The following EOMES variants were observed in gnomAD, a reference collection of about 807,000 sequenced individuals.
The protein encoded by EOMES is eomesodermin homolog.
Under a neutral mutation model 61.0 loss-of-function variants are expected in EOMES, and 18 were observed. The observed-to-expected ratio is 0.30, with a 90% CI of 0.20 to 0.44. The LOEUF (loss-of-function observed/expected upper bound fraction) is 0.44, where lower values mean the gene tolerates loss of function less well. Among genes scored for constraint, EOMES ranks in the 20% least tolerant of loss-of-function variants. The pLI is 1.00. For synonymous variants in EOMES, 430 were observed against 394.0 expected (o/e 1.09, Z -1.08); for missense variants, 885 against 939.2 (o/e 0.94, Z 0.75).
intron 5 of EOMES, among the ~76,000 whole-genome samples, chr3:27,718,294 C>T (rs527480179): frequency 6.6e-6 from 1 of 151,650 alleles, no homozygotes; most frequent in Non-Finnish European, 1.5e-5. Context: ...AAAAATGGAT[C>T]AAATGAAAAG....
Position 27,717,880 on chromosome 3 carries a change from G to T in EOMES, c.1380-72C>A. 1 of 1,165,806 alleles carries T rather than the reference G, an allele frequency of 8.6e-7. No homozygotes were observed. Among genetic ancestry groups the T allele is most frequent in the Non-Finnish European group, 1.2e-6 (1 of 853,992 alleles). The allele number at this position is 1,165,806 out of a possible 1,614,324, so 72.2% of individuals were successfully genotyped here. Reference sequence around the variant, plus strand: ...TTGTCCCCAAACAAACCACCTCCCAGAAATGAAAAAGGCTTGTGTTGGTTA... The same window carrying T: ...TTGTCCCCAAACAAACCACCTCCCATAAATGAAAAAGGCTTGTGTTGGTTA... On this transcript the variant is annotated intron_variant, in intron 5 of 5. Transcript: ENST00000449599. The surrounding 1 kb of genome is among the most constrained non-coding windows in gnomAD (Gnocchi z 4.5).
At chr3:27,720,121 C>G in intron 2 of EOMES, 50 bp downstream of exon 2, 1 of 1,504,316 alleles carries the variant, frequency 6.6e-7, no homozygotes, top group African/African-American at 1.4e-5. Context: ...TCGAGGGTTA[C>G]GATTTCTTCC....
chr3:27,722,332 T>G (rs770972273), upstream of EOMES: 6 of 1,480,314 alleles, frequency 4.1e-6, no homozygotes, highest in East Asian at 5.4e-5. Context: ...CTGCTTCCTC[T>G]CCTCCGGTGG....
rs866157455 is a variant in EOMES, at chr3:27,721,822, G to T, written c.473C>A (p.Ala158Glu). The T allele has an allele frequency of 1.3e-6, 2 of 1,516,080 alleles. No individual in the cohort carries two copies. Among genetic ancestry groups the T allele is most frequent in the Non-Finnish European group, 1.8e-6 (2 of 1,140,724 alleles). The allele number at this position is 1,516,080 out of a possible 1,614,324, so 93.9% of individuals were successfully genotyped here. A position where few individuals can be genotyped will look rare whatever the true frequency, so the allele number is the denominator to read the frequency against. Residue 158 changes from alanine (A) to glutamate (E), a missense_variant, in exon 1 of 6, where the codon GCG becomes GAG. Ala to Glu is a moderately radical substitution (Grantham distance 107). Coordinates refer to ENST00000449599, the MANE Select transcript of EOMES (RefSeq NM_001278182.2). The surrounding 1 kb of genome is among the most constrained non-coding windows in gnomAD (Gnocchi z 7.4). Reference protein sequence around the residue: ...SPGPQGSELAAPCSLFPYQAA... With the variant: ...SPGPQGSELAEPCSLFPYQAA... ...CTGGTACGGGAAGAGTGAGCAGGGC[G>T]CAGCCAGCTCCGACCCCTGAGGACC...
Position 27,717,551 on chromosome 3 carries a change from C to T in EOMES, c.1637G>A (p.Gly546Glu), listed in dbSNP as rs1244747971. The stretch of plus-strand genomic sequence containing the variant: ...GGAACTGATGTCTAGTTTGTTGGTC[C>T]CAGGTTGCTGGACAGGCGTGACAAG... The part of the protein sequence containing the change: ...RWLVTPVQQP[G>E]TNKLDISSYE... The change falls in exon 6 of 6, where the codon GGG (glycine) becomes GAG (glutamate). Residue 546 changes from glycine (G) to glutamate (E), a missense_variant. Coordinates refer to ENST00000449599, the MANE Select transcript of EOMES (RefSeq NM_001278182.2). This position sits in a 1 kb window ranked among gnomAD's most constrained non-coding sequence, Gnocchi z 4.5. 1 of 1,614,018 alleles carries T rather than the reference C, an allele frequency of 6.2e-7. No individual in the cohort carries two copies. Among genetic ancestry groups the T allele is most frequent in the African/African-American group, 1.3e-5 (1 of 74,902 alleles).
rs1488273280 is a variant in EOMES, at chr3:27,721,689, T to G, written c.606A>C (p.Pro202=). The stretch of plus-strand genomic sequence containing the variant: ...CTGGGCCGAACTGCGCCCTCCCGGG[T>G]GGGCACACAGCCGCGGGGAAGCCGC... ...PPGGFPAAVC[P]PGRAQFGPGA... The change falls in exon 1 of 6, where the codon CCA becomes CCC. Residue 202 remains proline (P), a synonymous_variant. Transcript: ENST00000449599. This position sits in a 1 kb window ranked among gnomAD's most constrained non-coding sequence, Gnocchi z 7.4. 2 of 1,518,728 alleles carry G rather than the reference T, an allele frequency of 1.3e-6. No individual in the cohort carries two copies. Among genetic ancestry groups the G allele is most frequent in the African/African-American group, 2.8e-5 (2 of 70,226 alleles). The allele number at this position is 1,518,728 out of a possible 1,614,324, so 94.1% of individuals were successfully genotyped here. A position where few individuals can be genotyped will look rare whatever the true frequency, so the allele number is the denominator to read the frequency against.
At chr3:27,719,321 C>A in intron 3 of EOMES, 39 bp downstream of exon 3, 2 of 1,607,536 alleles carry the variant, frequency 1.2e-6, no homozygotes, top group South Asian at 2.2e-5. Context: ...GCCTTATAGT[C>A]AAAGCCAGAA....
rs1034578754 is a variant in EOMES, at chr3:27,719,382, C to A, written c.1136G>T (p.Gly379Val). The change falls in exon 3 of 6, where the codon GGC becomes GTC. Residue 379 changes from glycine to valine, a missense_variant. Gly to Val is a moderately radical substitution (Grantham distance 109). This residue lies in a region of EOMES where 177 missense variants were observed against 273.3 expected (regional missense o/e 0.65). Coordinates refer to ENST00000449599, the MANE Select transcript of EOMES (RefSeq NM_001278182.2). ...FGKLKLTNNK[G>V]ANNNNTQMIV... ...TACCTGGGTGTTGTTGTTATTTGCG[C>A]CTTTGTTATTGGTGAGTTTTAATTT... 1 of 1,613,924 alleles carries A rather than the reference C, an allele frequency of 6.2e-7. No individual in the cohort carries two copies. The highest frequency in any genetic ancestry group is 8.5e-7 in the Non-Finnish European group (1 of 1,179,972).
Position 27,717,846 on chromosome 3 carries a change from ACCCTAATGTTGTCCCC to A in EOMES, c.1380-54_1380-39del. 8.1e-6 allele frequency: 10 copies of A among 1,229,830 alleles called. No individual in the cohort carries two copies. Among genetic ancestry groups the A allele is most frequent in the Non-Finnish European group, 9.7e-6 (9 of 928,850 alleles). 76.2% of individuals were successfully genotyped at this position (1,229,830 alleles called of 1,614,324 possible). A position where few individuals can be genotyped will look rare whatever the true frequency, so the allele number is the denominator to read the frequency against. ...GAGAAACACTTAAAAAAAAAAAAAAACCCTAATGTTGTCCCCAAACAAACCACCTCCCAGAAATGAA... is the reference window on the plus strand; with the variant it reads ...GAGAAACACTTAAAAAAAAAAAAAAAAAACAAACCACCTCCCAGAAATGAA... On this transcript the variant is annotated intron_variant, in intron 5 of 5. Transcript: ENST00000449599. This position sits in a 1 kb window ranked among gnomAD's most constrained non-coding sequence, Gnocchi z 4.5.
In EOMES at chr3:27,721,371, C is replaced by T. The variant is rs746929224; in HGVS notation, c.881+43G>A. The T allele has an allele frequency of 2.2e-5, 34 of 1,525,320 alleles. No homozygotes were observed. The highest frequency in any genetic ancestry group is 2.3e-5 in the Non-Finnish European group (26 of 1,118,630). 94.5% of individuals were successfully genotyped at this position (1,525,320 alleles called of 1,614,324 possible). ...GGACCTTCCCCAGGACCACACGTCA[C>T]CCTTTATCCCCGAACCCAGGGGCCC... is the stretch of plus-strand genomic sequence containing the variant. On this transcript the variant is annotated intron_variant, in intron 1 of 5. Coordinates refer to ENST00000449599, the MANE Select transcript of EOMES (RefSeq NM_001278182.2). This position sits in a 1 kb window ranked among gnomAD's most constrained non-coding sequence, Gnocchi z 7.4.
intron 1 of EOMES, 120 bp from the exon 2 acceptor site, chr3:27,720,445 A>C: frequency 1.4e-6 from 1 of 696,010 alleles, no homozygotes; most frequent in East Asian, 2.8e-5. Flanking sequence ...AAAAGTTTGC[A>C]GTGAACAGAA....
intron 5 of EOMES, among the ~76,000 whole-genome samples, chr3:27,718,121 G>C (rs1004968665): frequency 6.6e-6 from 1 of 152,000 alleles, no homozygotes; most frequent in African/African-American, 2.4e-5. Context: ...CAATGTGATG[G>C]AAAAAACACT....
At chr3:27,722,602 T>C, upstream of EOMES, 11 of 1,172,568 alleles carry the variant, frequency 9.4e-6, no homozygotes, top group Non-Finnish European at 1.2e-5. Flanking sequence ...CCTCCCAGGC[T>C]CACACGCTGG....
In EOMES at chr3:27,721,529, C is replaced by A; in HGVS notation, c.766G>T (p.Gly256Trp). 6.2e-7 allele frequency: 1 copy of A among 1,610,678 alleles called. No individual in the cohort carries two copies. Among genetic ancestry groups the A allele is most frequent in the Non-Finnish European group, 8.5e-7 (1 of 1,178,734 alleles). ...AAAAGSCGGL[G>W]GLGVPGSGFR... ...CCAGAACCTGGAACCCCCAGGCCCC[C>A]CAGTCCTCCGCAAGATCCCGCCGCT... Residue 256 changes from glycine to tryptophan, a missense_variant, in exon 1 of 6, where the codon GGG (glycine) becomes TGG (tryptophan). Coordinates refer to ENST00000449599, the MANE Select transcript of EOMES (RefSeq NM_001278182.2). The surrounding 1 kb of genome is among the most constrained non-coding windows in gnomAD (Gnocchi z 7.4).
chr3:27,722,016 C>T lies in EOMES; in HGVS notation c.279G>A (p.Ala93=). Residue 93 remains alanine, a synonymous_variant, in exon 1 of 6, where the codon GCG becomes GCA. Coordinates refer to ENST00000449599, the MANE Select transcript of EOMES (RefSeq NM_001278182.2). Reference sequence around the variant, plus strand: ...CCGGGGGCCCCGGCTTGGCCACTGCCGCAGCGCTGGCAAATGCGTCCCCGG... The same window carrying T: ...CCGGGGGCCCCGGCTTGGCCACTGCTGCAGCGCTGGCAAATGCGTCCCCGG... The part of the protein sequence containing the change: ...TDAGDAFASA[A]AVAKPGPPDG... The T allele has an allele frequency of 6.6e-7, 1 of 1,519,774 alleles. No homozygotes were observed. Among genetic ancestry groups the T allele is most frequent in the Non-Finnish European group, 8.8e-7 (1 of 1,135,474 alleles). The allele number at this position is 1,519,774 out of a possible 1,614,324, so 94.1% of individuals were successfully genotyped here. A position where few individuals can be genotyped will look rare whatever the true frequency, so the allele number is the denominator to read the frequency against.
At chr3:27,722,540 A>G (rs2060625193), upstream of EOMES, 1 of 1,317,574 alleles carries the variant, frequency 7.6e-7, no homozygotes, top group African/African-American at 1.5e-5. Flanking sequence ...CTAACCCAGA[A>G]GCCCTCTCCT....
In EOMES at chr3:27,719,341, T is replaced by A; in HGVS notation, c.1158+19A>T. 1.9e-6 allele frequency: 3 copies of A among 1,613,550 alleles called. No individual in the cohort carries two copies. Among genetic ancestry groups the A allele is most frequent in the Non-Finnish European group, 2.5e-6 (3 of 1,179,514 alleles). ...ATAGTCAAAGCCAGAAGATATCCCC[T>A]CCTGCTCTGTCACTCTACCTGGGTG... On this transcript the variant is annotated intron_variant, in intron 3 of 5. Transcript: ENST00000449599.
rs1466999623 is a variant in EOMES at position 27,722,147 on chromosome 3, T to C, written c.148A>G (p.Lys50Glu). ...CTGCCGGAAAACTTCTTGGACGCTT[T>C]GTCTAAGTCCAACTTCTGAGGAGAG... is the stretch of plus-strand genomic sequence containing the variant. ...APSPQKLDLDKASKKFSGSLS... is the reference protein window; with the variant it reads ...APSPQKLDLDEASKKFSGSLS... The change falls in exon 1 of 6, where the codon AAA (lysine) becomes GAA (glutamate). Residue 50 changes from lysine to glutamate, a missense_variant. By Grantham distance (56) the Lys-to-Glu change is moderately conservative. Around this residue, in one of 3 missense-constraint regions of EOMES, gnomAD observed 449 missense variants for 383.6 expected, o/e 1.17. Transcript: ENST00000449599. The C allele has an allele frequency of 2.5e-6, 4 of 1,568,704 alleles. No homozygotes were observed. The highest frequency in any genetic ancestry group is 3.5e-6 in the Non-Finnish European group (4 of 1,157,368).
intron 1 of EOMES, among the ~76,000 whole-genome samples, chr3:27,720,531 CAAAAAAAAAAAAAAAAAAAAAAAAAAAAA>C (rs757181277): frequency 1.6e-5 from 1 of 62,300 alleles, no homozygotes; most frequent in African/African-American, 5.5e-5. Context: ...TCCGTCTTTT[CAAAAAAAAAAAAAAAAAAAAAAAAAAAAA>C]AAAAAAAAAA....
Sources: gnomAD v4.1 joint callset for allele counts (sites outside exome capture counted in the v4.1 genomes callset) on GRCh38, gnomAD v4.1.1 for gene constraint, gnomAD v4.1.1 regional missense constraint, Gnocchi (gnomAD v3.1) non-coding constraint, MANE v1.5 for transcripts, NCBI Gene and HGNC (gene_info 2026-07-23, HGNC 2026-07-21) for gene names.